Variants in SLC44A5 observed in about 807,000 individuals in gnomAD.
SLC44A5 encodes the protein solute carrier family 44 member 5, also known as choline transporter-like protein 5.
Under a neutral mutation model 101.8 loss-of-function variants are expected in SLC44A5, and 57 were observed. The ratio of observed to expected loss-of-function variants is 0.56; its 90% CI spans 0.45 to 0.70. The LOEUF is 0.70. SLC44A5 is among the 30% of genes least tolerant of loss of function. The probability of loss-of-function intolerance (pLI) is 0.00; values close to 1 mark genes in which losing one functional copy is unlikely to be tolerated. For synonymous variants in SLC44A5, 281 were observed against 290.9 expected, an observed-to-expected ratio of 0.97 and a Z score of 0.35; for missense variants, 737 against 853.1, an observed-to-expected ratio of 0.86 and a Z score of 1.70.
chr1:75,211,289 T>C (rs954483616), intron 23 of SLC44A5, among the ~76,000 whole-genome samples, 179 bp downstream of exon 23: 1 of 152,202 alleles, frequency 6.6e-6, no homozygotes, highest in African/African-American at 2.4e-5. Context: ...ATCTGACTTA[T>C]TTCTCAGGTA....
chr1:75,463,590 G>A (rs893867629), intron 2 of SLC44A5, among the ~76,000 whole-genome samples: 1 of 151,972 alleles, frequency 6.6e-6, no homozygotes, highest in Non-Finnish European at 1.5e-5. Flanking sequence ...TTTTACCCTA[G>A]AATAGTATAT....
At chr1:75,314,577 C>A (rs778275012) in intron 4 of SLC44A5, among the ~76,000 whole-genome samples, 1 of 152,066 alleles carries the variant, frequency 6.6e-6, no homozygotes, top group Admixed American at 6.6e-5. Context: ...AACTTAAAGA[C>A]TTAAGAAGGC....
the SLC44A5 span, among the ~76,000 whole-genome samples, chr1:75,683,759 CA>C: frequency 1.6e-5 from 1 of 63,218 alleles, no homozygotes; most frequent in African/African-American, 8.9e-5. Context: ...AGTATAATAA[CA>C]AATAAATAAA....
chr1:75,456,529 C>T (rs920201733), intron 2 of SLC44A5, among the ~76,000 whole-genome samples: 12 of 152,258 alleles, frequency 7.9e-5, no homozygotes, highest in African/African-American at 2.9e-4. Context: ...GCTATTTTGG[C>T]TCCCAATTAG....
At chr1:75,474,616 T>C (rs971893806) in intron 2 of SLC44A5, among the ~76,000 whole-genome samples, 1 of 152,204 alleles carries the variant, frequency 6.6e-6, no homozygotes, top group African/African-American at 2.4e-5. Context: ...TTATTGCCAA[T>C]TAGTAGTCCA....
chr1:75,496,232 G>A (rs1668665079), intron 2 of SLC44A5, among the ~76,000 whole-genome samples: 1 of 152,038 alleles, frequency 6.6e-6, no homozygotes, highest in Non-Finnish European at 1.5e-5. Flanking sequence ...ATCAAAACAA[G>A]ATGATACTAG....
At chr1:75,279,730 G>A (rs894011070) in intron 5 of SLC44A5, among the ~76,000 whole-genome samples, 1 of 150,690 alleles carries the variant, frequency 6.6e-6, no homozygotes, top group African/African-American at 2.5e-5. Flanking sequence ...AACTTATAAA[G>A]TGTATGTTTG....
At chr1:75,339,953 C>G (rs184045835) in intron 3 of SLC44A5, among the ~76,000 whole-genome samples, 55 of 152,210 alleles carry the variant, frequency 3.6e-4, no homozygotes, top group African/African-American at 1.3e-3. Flanking sequence ...GTCTGCAAAA[C>G]AATTTTACCA....
At chr1:75,566,333 T>C (rs1235895950) in intron 1 of SLC44A5, among the ~76,000 whole-genome samples, 2 of 152,156 alleles carry the variant, frequency 1.3e-5, no homozygotes, top group Non-Finnish European at 2.9e-5. Context: ...TCAATACTAA[T>C]AAAAATATCT....
chr1:75,533,595 T>C (rs968988758), intron 2 of SLC44A5, among the ~76,000 whole-genome samples: 4 of 152,190 alleles, frequency 2.6e-5, no homozygotes, highest in African/African-American at 4.8e-5. Flanking sequence ...ACTGCACCCT[T>C]GTGTCCAACC....
At chr1:75,526,423 C>T (rs1670410016) in intron 2 of SLC44A5, among the ~76,000 whole-genome samples, 1 of 152,216 alleles carries the variant, frequency 6.6e-6, no homozygotes. Flanking sequence ...AGGCCGGTTC[C>T]AGGCCAAGAC....
intron 2 of SLC44A5, among the ~76,000 whole-genome samples, chr1:75,535,268 G>A (rs1474563891): frequency 6.6e-6 from 1 of 152,090 alleles, no homozygotes; most frequent in Non-Finnish European, 1.5e-5. Context: ...CTGAGAAGGT[G>A]AGCCTGATAC....
chr1:75,448,755 T>C (rs1237002235), intron 2 of SLC44A5, among the ~76,000 whole-genome samples: 2 of 152,162 alleles, frequency 1.3e-5, no homozygotes, highest in African/African-American at 4.8e-5. Context: ...ACAATTGTCT[T>C]CATTACAGCC....
chr1:75,391,086 A>G (rs1174617225), intron 3 of SLC44A5, among the ~76,000 whole-genome samples: 1 of 152,150 alleles, frequency 6.6e-6, no homozygotes, highest in Non-Finnish European at 1.5e-5. Context: ...ATACAATCCC[A>G]TTTACAATAG....
At chr1:75,692,360 A>AT in the SLC44A5 span, among the ~76,000 whole-genome samples, 7 of 151,274 alleles carry the variant, frequency 4.6e-5, no homozygotes, top group African/African-American at 9.7e-5. Context: ...TGCCCAGCTA[A>AT]TTTTTTTTGT....
At chr1:75,657,407 G>T in the SLC44A5 span, among the ~76,000 whole-genome samples, 1 of 151,914 alleles carries the variant, frequency 6.6e-6, no homozygotes, top group Admixed American at 6.6e-5. Flanking sequence ...AAATTAGCCA[G>T]GTATAGTGGC....
chr1:75,638,525 G>A, the SLC44A5 span, among the ~76,000 whole-genome samples: 2 of 152,006 alleles, frequency 1.3e-5, no homozygotes, highest in African/African-American at 2.4e-5. Context: ...GTTTAACTAA[G>A]GTAGGAAAGC....
intron 2 of SLC44A5, among the ~76,000 whole-genome samples, chr1:75,520,005 AG>A (rs1254696350): frequency 1.3e-5 from 2 of 152,238 alleles, no homozygotes; most frequent in Non-Finnish European, 1.5e-5. Context: ...GAAATCATAA[AG>A]GTCATTTTTT....
rs142547961 is a variant in SLC44A5 at position 75,500,412 on chromosome 1, T to C, written c.13+41023A>G. On this transcript the variant is annotated intron_variant, in intron 2 of 23. Coordinates refer to ENST00000370859, the MANE Select transcript of SLC44A5 (RefSeq NM_001130058.2). ...ACTATTGCCTGCAAAAACTGGAAGA[T>C]AAACAAAAGTAATATTTACCATCAC... Among the ~76,000 whole-genome samples the C allele has an allele frequency of 6.9e-4, 105 of 152,222 alleles. 1 individual carries two copies. The Middle Eastern group carries it at 0.014, about 20-fold the overall frequency.
Sources: allele counts gnomAD v4.1 joint callset (sites outside exome capture counted in the v4.1 genomes callset), GRCh38; gene constraint gnomAD v4.1.1; transcripts MANE v1.5; gene names NCBI Gene and HGNC (gene_info 2026-07-23, HGNC 2026-07-21).